The following DPYD variants were observed in gnomAD, a reference collection of about 807,000 sequenced individuals.
The protein encoded by DPYD is dihydropyrimidine dehydrogenase.
A neutral mutation model predicts 116.2 loss-of-function variants in DPYD; 109 were observed. The ratio of observed to expected loss-of-function variants is 0.94; its 90% confidence interval spans 0.80 to 1.10. DPYD has a LOEUF of 1.10. Among genes scored for constraint, DPYD ranks in the 50% least tolerant of loss-of-function variants. The pLI is 0.00. For synonymous variants in DPYD, 440 were observed against 432.0 expected (o/e 1.02, Z -0.23); for missense variants, 1,302 against 1,254.5 (o/e 1.04, Z -0.57).
At chr1:97,723,558 T>G (rs1663044132) in intron 4 of DPYD, among the ~76,000 whole-genome samples, 1 of 151,632 alleles carries the variant, frequency 6.6e-6, no homozygotes, top group South Asian at 2.1e-4. Flanking sequence ...AAGTAGTTTT[T>G]ATTACATAGT....
At chr1:97,916,111 T>C (rs1312027821) in intron 1 of DPYD, among the ~76,000 whole-genome samples, 1 of 152,184 alleles carries the variant, frequency 6.6e-6, no homozygotes, top group Non-Finnish European at 1.5e-5. Context: ...TGCTTAAAGA[T>C]CTTCCATAAC....
chr1:97,770,395 C>A (rs1226278613), intron 3 of DPYD, among the ~76,000 whole-genome samples: 2 of 151,954 alleles, frequency 1.3e-5, no homozygotes, highest in African/African-American at 4.8e-5. Flanking sequence ...AATTCAATAA[C>A]AAAACTCAAA....
chr1:97,310,125 T>C (rs895987298), intron 16 of DPYD, among the ~76,000 whole-genome samples: 1 of 151,950 alleles, frequency 6.6e-6, no homozygotes, highest in African/African-American at 2.4e-5. Context: ...ACAATTCATT[T>C]CAAAATGGCT....
chr1:97,672,819 A>C (rs1659941129), intron 8 of DPYD, among the ~76,000 whole-genome samples: 1 of 152,322 alleles, frequency 6.6e-6, no homozygotes, highest in Non-Finnish European at 1.5e-5. Flanking sequence ...TCTGTAGCAA[A>C]TTTAATACCA....
At chr1:97,665,167 G>C (rs1659490122) in intron 8 of DPYD, among the ~76,000 whole-genome samples, 1 of 152,058 alleles carries the variant, frequency 6.6e-6, no homozygotes, top group African/African-American at 2.4e-5. Flanking sequence ...ACTTGCCCTA[G>C]AGTACTCCAT....
At chr1:97,148,255 G>C (rs533872429) in intron 20 of DPYD, among the ~76,000 whole-genome samples, 2 of 135,880 alleles carry the variant, frequency 1.5e-5, no homozygotes, top group African/African-American at 3.5e-5. Context: ...TGTGTGTGTG[G>C]GGGGGGTGTG....
chr1:97,870,872 G>A (rs1459124755), intron 2 of DPYD, among the ~76,000 whole-genome samples: 1 of 151,812 alleles, frequency 6.6e-6, no homozygotes, highest in Non-Finnish European at 1.5e-5. Flanking sequence ...CAGGCCTCTA[G>A]CATTTTACGT....
At chr1:97,664,382 T>C (rs1340232961) in intron 8 of DPYD, among the ~76,000 whole-genome samples, 1 of 151,954 alleles carries the variant, frequency 6.6e-6, no homozygotes, top group Non-Finnish European at 1.5e-5. Context: ...TCAAAACATA[T>C]ATATGTGTGT....
rs534791840 is a variant in DPYD, at chr1:97,193,123, A to G, written c.2568T>C (p.Thr856=). The G allele has an allele frequency of 8.7e-6, 14 of 1,613,968 alleles. No homozygotes were observed. In the East Asian group the frequency reaches 1.8e-4, roughly 21 times the overall value. The change falls in exon 20 of 23, where the codon ACT becomes ACC. Residue 856 remains threonine, a synonymous_variant. Transcript: ENST00000370192. ...CTGGTTTCCCTTTCTGGTGACTCAC[A>G]GTAGCTGGACTCTGTCCATCCCAGT... ...LQDWDGQSPA[T]VSHQKGKPVP... is the part of the protein sequence containing the mutation.
intron 2 of DPYD, among the ~76,000 whole-genome samples, chr1:97,835,647 C>T (rs905542564): frequency 6.6e-6 from 1 of 152,012 alleles, no homozygotes; most frequent in Non-Finnish European, 1.5e-5. Context: ...TTTAAAATTA[C>T]AATGCGTTTG....
intron 11 of DPYD, among the ~76,000 whole-genome samples, chr1:97,552,473 C>T (rs1274156594): frequency 2.6e-5 from 4 of 152,170 alleles, no homozygotes; most frequent in African/African-American, 7.2e-5. Flanking sequence ...TTAGCACCAA[C>T]ATCATAAGCC....
At chr1:97,587,778 C>G (rs1205702952) in intron 10 of DPYD, among the ~76,000 whole-genome samples, 1 of 148,052 alleles carries the variant, frequency 6.8e-6, no homozygotes, top group Non-Finnish European at 1.5e-5. Context: ...GAGTCGAGAT[C>G]GCGCCACTGC....
chr1:97,875,017 C>G (rs916708985), intron 2 of DPYD, among the ~76,000 whole-genome samples: 3 of 151,824 alleles, frequency 2.0e-5, no homozygotes, highest in African/African-American at 7.2e-5. Context: ...GCAAGTACCA[C>G]AATGACATAA....
intron 18 of DPYD, chr1:97,296,218 T>A (rs933241828): frequency 1.3e-5 from 2 of 152,170 alleles, no homozygotes; most frequent in African/African-American, 4.8e-5. Flanking sequence ...GTGACAAAAA[T>A]TCTTGCAAAT....
rs202167607 is a variant in DPYD, at chr1:97,204,308, G to GT, written c.2443-11061dup. Among the ~76,000 whole-genome samples the GT allele has an allele frequency of 5.0e-3, 764 of 151,974 alleles. 1 individual carries two copies. Among genetic ancestry groups the GT allele is most frequent in the Non-Finnish European group, 7.8e-3 (531 of 67,914 alleles). Reference sequence around the variant, plus strand: ...GACCAGGAAAATAAATTGTATGCTAGTTTTTTTTGGCTTTTTGTTTTAATG... The same window carrying GT: ...GACCAGGAAAATAAATTGTATGCTAGTTTTTTTTTGGCTTTTTGTTTTAATG... On this transcript the variant is annotated intron_variant, in intron 19 of 22. Transcript: ENST00000370192.
Position 97,474,398 on chromosome 1 carries a change from G to T in DPYD, c.1741-24175C>A, listed in dbSNP as rs959835369. ...TATATTTACAATTAGATACAGATCAGGTGTTCTGTCAGACATATTTCACAT... is the reference window on the plus strand; with the variant it reads ...TATATTTACAATTAGATACAGATCATGTGTTCTGTCAGACATATTTCACAT... On this transcript the variant is annotated intron_variant, in intron 13 of 22. Transcript: ENST00000370192. 2.0e-5 allele frequency among the ~76,000 whole-genome samples: 3 copies of T among 151,922 alleles called. No individual in the cohort carries two copies. The South Asian group carries it at 6.2e-4, about 32-fold the overall frequency.
intron 12 of DPYD, among the ~76,000 whole-genome samples, chr1:97,518,664 G>T (rs1407927955): frequency 1.3e-5 from 2 of 151,972 alleles, no homozygotes; most frequent in African/African-American, 4.8e-5. Flanking sequence ...ATGTTATTTA[G>T]ATTTTCAATT....
intron 19 of DPYD, among the ~76,000 whole-genome samples, chr1:97,212,034 T>C (rs1660064339): frequency 6.6e-6 from 1 of 152,184 alleles, no homozygotes; most frequent in Admixed American, 6.5e-5. Flanking sequence ...ATTTAAGCTA[T>C]CTTTAAGTAT....
At chr1:97,134,011 AAAAATATAT>A (rs1380110361) in intron 20 of DPYD, among the ~76,000 whole-genome samples, 4 of 35,204 alleles carry the variant, frequency 1.1e-4, no homozygotes, top group South Asian at 1.1e-3. Context: ...AAAAAAAAAA[AAAAATATAT>A]ATATATATAT....
Sources: gnomAD v4.1 joint callset for allele counts (sites outside exome capture counted in the v4.1 genomes callset) on GRCh38, gnomAD v4.1.1 for gene constraint, MANE v1.5 for transcripts, NCBI Gene and HGNC (gene_info 2026-07-23, HGNC 2026-07-21) for gene names.